Variants in ANK3 observed in about 807,000 individuals in gnomAD.
ANK3 encodes the protein ankyrin 3, also known as ankyrin-3.
Under a neutral mutation model 370.9 loss-of-function variants are expected in ANK3, and 57 were observed. The ratio of observed to expected loss-of-function variants is 0.15; its 90% CI spans 0.12 to 0.19. The LOEUF (loss-of-function observed/expected upper bound fraction) is 0.19, where lower values mean the gene tolerates loss of function less well. Among genes scored for constraint, ANK3 ranks in the 10% least tolerant of loss-of-function variants. The pLI is 1.00. For synonymous variants in ANK3, 1,929 were observed against 1,946.3 expected (o/e 0.99, Z 0.23); for missense variants, 4,439 against 5,302.1 (o/e 0.84, Z 5.06).
rs780501756 is a variant in ANK3, at chr10:60,074,165, C to T, written c.6716G>A (p.Arg2239His). 38 of 1,613,856 alleles carry T rather than the reference C, an allele frequency of 2.4e-5. No homozygotes were observed. Among genetic ancestry groups the T allele is most frequent in the South Asian group, 2.1e-4 (19 of 91,060 alleles). ...GGTTATGTGAGTCTCTTCTTTAACA[C>T]GCATGCCTTTGCTTAAAACCCGATT... ...DHNRVLSKGM[R>H]VKEETHITTT... The change falls in exon 37 of 44, where the codon CGT (arginine) becomes CAT (histidine). Residue 2239 changes from arginine to histidine, a missense_variant. Transcript: ENST00000280772.
At chr10:60,210,641 A>G (rs1281716354) in intron 9 of ANK3, among the ~76,000 whole-genome samples, 1 of 152,230 alleles carries the variant, frequency 6.6e-6, no homozygotes, top group Admixed American at 6.5e-5. Flanking sequence ...AAACTCCACC[A>G]AAAAGCAGTA....
At chr10:60,499,150 C>A (rs1274466280) in intron 2 of ANK3, among the ~76,000 whole-genome samples, 1 of 152,112 alleles carries the variant, frequency 6.6e-6, no homozygotes, top group Non-Finnish European at 1.5e-5. Flanking sequence ...GTTCTAGTAG[C>A]CTCAATATGT....
intron 25 of ANK3, among the ~76,000 whole-genome samples, chr10:60,115,276 C>T (rs2093007061): frequency 6.6e-6 from 1 of 152,130 alleles, no homozygotes; most frequent in Non-Finnish European, 1.5e-5. Context: ...GCAGACCAGC[C>T]TCATTTCAGC....
chr10:60,669,501 C>A (rs775955910), intron 1 of ANK3, among the ~76,000 whole-genome samples: 5 of 152,152 alleles, frequency 3.3e-5, no homozygotes, highest in Non-Finnish European at 7.3e-5. Context: ...TGGCTTCCAT[C>A]CTCACCACTT....
chr10:60,297,804 C>T (rs968327680), intron 1 of ANK3, among the ~76,000 whole-genome samples: 6 of 152,038 alleles, frequency 3.9e-5, no homozygotes, highest in African/African-American at 9.7e-5. Context: ...ATATTTACTA[C>T]ATAACTAAAA....
chr10:60,406,840 T>C (rs1451463213), intron 2 of ANK3, among the ~76,000 whole-genome samples: 2 of 152,212 alleles, frequency 1.3e-5, no homozygotes, highest in East Asian at 3.9e-4. Context: ...TAAATTTTAG[T>C]TGTTTTTGTC....
intron 25 of ANK3, among the ~76,000 whole-genome samples, chr10:60,127,939 T>C (rs892558086): frequency 5.3e-5 from 8 of 152,236 alleles, no homozygotes; most frequent in South Asian, 2.1e-4. Flanking sequence ...CCTCGTGATC[T>C]GCCCACCTTG....
intron 1 of ANK3, chr10:60,684,653 C>A (rs2079244688): frequency 6.3e-7 from 1 of 1,588,944 alleles, no homozygotes. Flanking sequence ...AATACCGTAC[C>A]TACCAAAGCA....
intron 1 of ANK3, among the ~76,000 whole-genome samples, chr10:60,661,502 C>G (rs1303787720): frequency 1.3e-5 from 2 of 152,088 alleles, no homozygotes; most frequent in Non-Finnish European, 2.9e-5. Flanking sequence ...TTTCTTTAGC[C>G]TATACAAACT....
At chr10:60,682,113 A>G (rs1397884400) in intron 1 of ANK3, among the ~76,000 whole-genome samples, 3 of 152,254 alleles carry the variant, frequency 2.0e-5, no homozygotes, top group African/African-American at 7.2e-5. Flanking sequence ...TGCCTCTGCA[A>G]TCCAGCCTGG....
chr10:60,712,248 A>C (rs569740986), intron 1 of ANK3, among the ~76,000 whole-genome samples: 1 of 152,364 alleles, frequency 6.6e-6, no homozygotes, highest in East Asian at 1.9e-4. Context: ...TATAGCTTGT[A>C]ATTCAGTGAT....
chr10:60,384,841 C>T (rs1007029724), intron 1 of ANK3, among the ~76,000 whole-genome samples: 18 of 152,256 alleles, frequency 1.2e-4, no homozygotes, highest in African/African-American at 2.2e-4. Context: ...TCCTAGAATC[C>T]GATCTCTCTC....
intron 1 of ANK3, among the ~76,000 whole-genome samples, chr10:60,303,742 T>C (rs535137597): frequency 7.9e-5 from 12 of 152,266 alleles, no homozygotes; most frequent in African/African-American, 2.6e-4. Flanking sequence ...ACTGGGTATA[T>C]TGCCAAAGAA....
At chr10:60,197,837 T>C (rs1275564649) in intron 14 of ANK3, among the ~76,000 whole-genome samples, 1 of 152,190 alleles carries the variant, frequency 6.6e-6, no homozygotes. Flanking sequence ...TGTTAGGGTA[T>C]TACTCTAAGG....
In ANK3 at chr10:60,196,563, C is replaced by A. The variant is rs2096588457; in HGVS notation, c.1752G>T (p.Leu584=). The change falls in exon 15 of 44, where the codon CTG becomes CTT. Residue 584 remains leucine (L), a synonymous_variant. Coordinates refer to ENST00000280772, the MANE Select transcript of ANK3 (RefSeq NM_020987.5). ...KYGKLEVANL[L]LQKSASPDAA... ...CATCTGGAGATGCACTTTTCTGTAG[C>A]AGGAGATTGGCGACTTCAAGCTTTC... 6.2e-7 allele frequency: 1 copy of A among 1,612,478 alleles called. No individual in the cohort carries two copies. The highest frequency in any genetic ancestry group is 8.5e-7 in the Non-Finnish European group (1 of 1,179,714).
Position 60,724,070 on chromosome 10 carries a change from T to C in ANK3, c.57+9193A>G, listed in dbSNP as rs7082061. 8.4e-4 allele frequency among the ~76,000 whole-genome samples: 95 copies of C among 113,706 alleles called. 7 individuals carry two copies. Among genetic ancestry groups the C allele is most frequent in the Middle Eastern group, 4.2e-3 (1 of 238 alleles). 74.6% of individuals were successfully genotyped at this position (113,706 alleles called of 152,430 possible). The stretch of plus-strand genomic sequence containing the variant: ...CTAAAAATACAAAAAATTAGCCAGG[T>C]GTGGTGGCGGGCGCCTGTAGTCCCA... On this transcript the variant is annotated intron_variant, in intron 1 of 43. Transcript: ENST00000373827.
At chr10:60,347,479 A>G (rs1489551988) in intron 1 of ANK3, among the ~76,000 whole-genome samples, 1 of 151,966 alleles carries the variant, frequency 6.6e-6, no homozygotes, top group African/African-American at 2.4e-5. Context: ...CAAGACAAGT[A>G]TTTGCTGTGT....
chr10:60,172,951 A>G lies in ANK3; in HGVS notation c.2331T>C (p.His777=), dbSNP rs374774792. ...LHQAAQQGHT[H]IINVLLQNNA... ...TGTTCTGAAGTAAGACATTTATTAT[A>G]TGCGTATGCCCCTGCTGTGCTGCTT... Residue 777 remains histidine (H), a synonymous_variant, in exon 20 of 44, where the codon CAT becomes CAC. Coordinates refer to ENST00000280772, the MANE Select transcript of ANK3 (RefSeq NM_020987.5). 9.3e-6 allele frequency: 15 copies of G among 1,613,854 alleles called. No individual in the cohort carries two copies. Among genetic ancestry groups the G allele is most frequent in the Non-Finnish European group, 1.2e-5 (14 of 1,179,958 alleles).
intron 1 of ANK3, among the ~76,000 whole-genome samples, chr10:60,649,316 T>A (rs1423100483): frequency 7.0e-6 from 1 of 143,716 alleles, no homozygotes; most frequent in Non-Finnish European, 1.5e-5. Context: ...CAAAAAAAAA[T>A]ACTTTTTAAG....
Sources: allele counts gnomAD v4.1 joint callset (sites outside exome capture counted in the v4.1 genomes callset), GRCh38; gene constraint gnomAD v4.1.1; transcripts MANE v1.5; gene names NCBI Gene and HGNC (gene_info 2026-07-23, HGNC 2026-07-21).